Variants in PLXNA4 observed in about 807,000 individuals in gnomAD.
PLXNA4 encodes the protein plexin A4.
PLXNA4 carries 44 observed loss-of-function variants against 191.8 expected under a neutral mutation model. The ratio of observed to expected loss-of-function variants is 0.23; its 90% CI spans 0.18 to 0.29. The LOEUF (loss-of-function observed/expected upper bound fraction) is 0.29, where lower values mean the gene tolerates loss of function less well. Ranked by LOEUF, PLXNA4 falls within the 10% of genes least tolerant of loss-of-function variation. The pLI, the probability that PLXNA4 is intolerant of heterozygous loss-of-function variation, is 1.00. For missense variants in PLXNA4, 1,800 were observed against 2,488.8 expected, an observed-to-expected ratio of 0.72 and a Z score of 5.89; for synonymous variants, 1,082 against 1,009.5, an observed-to-expected ratio of 1.07 and a Z score of -1.36.
rs148071308 is a variant in PLXNA4 at position 132,541,408 on chromosome 7, C to T, written c.-86-32629G>A. Among the ~76,000 whole-genome samples, 5 of 152,352 alleles carry T rather than the reference C, an allele frequency of 3.3e-5. No homozygotes were observed. The East Asian group carries it at 9.7e-4, about 29-fold the overall frequency. On this transcript the variant is annotated intron_variant, in intron 1 of 31. Coordinates refer to ENST00000321063, the MANE Select transcript of PLXNA4 (RefSeq NM_020911.2). The stretch of plus-strand genomic sequence containing the variant: ...ACGGTGAAAACCGCAATTATTCTTT[C>T]TGCTCTGGACAATTCCTGCTTCAAC...
intron 1 of PLXNA4, among the ~76,000 whole-genome samples, chr7:132,566,226 T>C (rs1801716931): frequency 6.6e-6 from 1 of 152,110 alleles, no homozygotes; most frequent in African/African-American, 2.4e-5. Context: ...CCCAAGTGAT[T>C]CAAACCCAAA....
In PLXNA4 at chr7:132,159,649, G is replaced by A. The variant is rs753568567; in HGVS notation, c.4501-17C>T. ...GCTCAGGACCTGAAGGAAAGGTGGG[G>A]AGAGGAAGCATATGAAATGGGGTAG... On this transcript the variant is annotated splice_polypyrimidine_tract_variant and intron_variant, in intron 24 of 31. Coordinates refer to ENST00000321063, the MANE Select transcript of PLXNA4 (RefSeq NM_020911.2). 5.6e-6 allele frequency: 9 copies of A among 1,613,428 alleles called. No homozygotes were observed. The highest frequency in any genetic ancestry group is 7.6e-6 in the Non-Finnish European group (9 of 1,179,568).
intron 1 of PLXNA4, among the ~76,000 whole-genome samples, chr7:132,526,620 G>A (rs903438808): frequency 4.6e-5 from 7 of 152,190 alleles, no homozygotes; most frequent in African/African-American, 1.4e-4. Flanking sequence ...TACTCCTGGC[G>A]CCCCTGTTGG....
At chr7:132,619,179 G>C (rs1363906061) in intron 2 of PLXNA4, among the ~76,000 whole-genome samples, 1 of 152,120 alleles carries the variant, frequency 6.6e-6, no homozygotes, top group Admixed American at 6.5e-5. Context: ...CCCTTAAAAA[G>C]AGTGAAGTAT....
chr7:132,184,194 T>C (rs1796802414), intron 16 of PLXNA4, among the ~76,000 whole-genome samples: 1 of 152,074 alleles, frequency 6.6e-6, no homozygotes, highest in Admixed American at 6.5e-5. Context: ...AAGCTGACAG[T>C]GAGAAGCCTG....
intron 4 of PLXNA4, among the ~76,000 whole-genome samples, chr7:132,244,950 T>C (rs10279805): frequency 0.71 from 107,258 of 152,044 alleles, 38,565 homozygotes; most frequent in African/African-American, 0.85. Flanking sequence ...AGCCACCTTG[T>C]CTCTATGATT....
chr7:132,449,456 C>T (rs1307471671), intron 3 of PLXNA4, among the ~76,000 whole-genome samples: 7 of 152,186 alleles, frequency 4.6e-5, no homozygotes, highest in Non-Finnish European at 8.8e-5. Flanking sequence ...CTCCAAACCC[C>T]CAACTCAATC....
intron 4 of PLXNA4, among the ~76,000 whole-genome samples, chr7:132,281,034 C>T (rs1800459626): frequency 6.6e-6 from 1 of 152,056 alleles, no homozygotes; most frequent in Non-Finnish European, 1.5e-5. Flanking sequence ...GATAAAATAG[C>T]ATCTTGTATT....
intron 5 of PLXNA4, among the ~76,000 whole-genome samples, chr7:132,229,277 G>A (rs1018395959): frequency 6.6e-6 from 1 of 152,198 alleles, no homozygotes; most frequent in African/African-American, 2.4e-5. Context: ...TGTGTAAAGT[G>A]TATGGTGTCA....
intron 3 of PLXNA4, among the ~76,000 whole-genome samples, chr7:132,394,349 G>T (rs1793659856): frequency 6.6e-6 from 1 of 152,160 alleles, no homozygotes; most frequent in Admixed American, 6.5e-5. Context: ...CAGGTGAAGG[G>T]ACCAGAGAAT....
At chr7:132,161,708 C>T (rs572401672) in intron 24 of PLXNA4, among the ~76,000 whole-genome samples, 1 of 151,720 alleles carries the variant, frequency 6.6e-6, no homozygotes, top group African/African-American at 2.4e-5. Context: ...CTGGCAGGCT[C>T]CCGGGCGGGC....
intron 3 of PLXNA4, among the ~76,000 whole-genome samples, chr7:132,304,648 A>G (rs922111220): frequency 6.6e-6 from 1 of 152,182 alleles, no homozygotes; most frequent in African/African-American, 2.4e-5. Context: ...ACCATATTGG[A>G]CAGCACAATT....
intron 3 of PLXNA4, among the ~76,000 whole-genome samples, chr7:132,474,463 G>A (rs758302548): frequency 2.0e-5 from 3 of 151,920 alleles, no homozygotes; most frequent in Non-Finnish European, 4.4e-5. Flanking sequence ...AGCCTGCCCC[G>A]CCCATCCTGC....
chr7:132,508,515 G>C lies in PLXNA4; in HGVS notation c.179C>G (p.Thr60Arg). The change falls in exon 2 of 32, where the codon ACA becomes AGA. Residue 60 changes from threonine (T) to arginine (R), a missense_variant. Coordinates refer to ENST00000321063, the MANE Select transcript of PLXNA4 (RefSeq NM_020911.2). The surrounding 1 kb of genome is among the most constrained non-coding windows in gnomAD (Gnocchi z 4.4). ...GACGGCCCCCAAGTAAATGTGTCCT[G>C]TCCTCTCATCCACCACCAGGTGATT... ...GFNHLVVDER[T>R]GHIYLGAVNR... The C allele has an allele frequency of 6.2e-7, 1 of 1,614,166 alleles. No individual in the cohort carries two copies. The highest frequency in any genetic ancestry group is 8.5e-7 in the Non-Finnish European group (1 of 1,180,030).
chr7:132,325,543 T>C (rs1159126890), intron 3 of PLXNA4, among the ~76,000 whole-genome samples: 1 of 152,110 alleles, frequency 6.6e-6, no homozygotes, highest in East Asian at 1.9e-4. Context: ...ACCATATTAC[T>C]GGTGTCCTTA....
intron 3 of PLXNA4, among the ~76,000 whole-genome samples, chr7:132,477,908 T>A (rs955852523): frequency 6.6e-6 from 1 of 152,248 alleles, no homozygotes; most frequent in African/African-American, 2.4e-5. Context: ...AATGGATACA[T>A]TATGAGGCTA....
intron 3 of PLXNA4, among the ~76,000 whole-genome samples, chr7:132,299,232 T>C (rs989154731): frequency 2.0e-5 from 3 of 152,234 alleles, no homozygotes; most frequent in Non-Finnish European, 4.4e-5. Context: ...AACTGTAAGC[T>C]ACACATAACG....
intron 2 of PLXNA4, among the ~76,000 whole-genome samples, chr7:132,592,869 A>T (rs1802626565): frequency 1.3e-5 from 2 of 151,764 alleles, no homozygotes; most frequent in African/African-American, 2.4e-5. Flanking sequence ...AAAAAAATTT[A>T]AAAAAAAAAA....
intron 3 of PLXNA4, among the ~76,000 whole-genome samples, chr7:132,325,348 C>T (rs1802317154): frequency 6.6e-6 from 1 of 152,058 alleles, no homozygotes. Flanking sequence ...TAATCAGGGC[C>T]CCTCTGGACA....
Sources: allele counts gnomAD v4.1 joint callset (sites outside exome capture counted in the v4.1 genomes callset), GRCh38; gene constraint gnomAD v4.1.1; non-coding constraint Gnocchi (gnomAD v3.1); transcripts MANE v1.5; gene names NCBI Gene and HGNC (gene_info 2026-07-23, HGNC 2026-07-21).